DSCAM: variants seen among roughly 807,000 people sequenced by gnomAD.
The protein encoded by DSCAM is cell adhesion molecule DSCAM.
A neutral mutation model predicts 217.7 loss-of-function variants in DSCAM; 47 were observed. That is an observed-to-expected ratio of 0.22 (90% CI 0.17 to 0.28). The LOEUF (loss-of-function observed/expected upper bound fraction) is 0.28. DSCAM is among the 10% of genes least tolerant of loss of function. The pLI, the probability that DSCAM is intolerant of heterozygous loss-of-function variation, is 1.00. For missense variants in DSCAM, 2,080 were observed against 2,618.3 expected, an observed-to-expected ratio of 0.79 and a Z score of 4.49; for synonymous variants, 1,056 against 1,015.3, an observed-to-expected ratio of 1.04 and a Z score of -0.76.
intron 3 of DSCAM, among the ~76,000 whole-genome samples, chr21:40,676,734 C>G (rs2090344449): frequency 6.6e-6 from 1 of 152,116 alleles, no homozygotes; most frequent in African/African-American, 2.4e-5. Context: ...TTAAAAATTA[C>G]CTGCAAGGCT....
At chr21:40,508,989 G>A (rs537511764) in intron 3 of DSCAM, among the ~76,000 whole-genome samples, 2 of 151,064 alleles carry the variant, frequency 1.3e-5, no homozygotes, top group South Asian at 4.2e-4. Context: ...ACATTTCTAA[G>A]GTAAAATTTT....
At chr21:40,120,764 C>G (rs563657062) in intron 20 of DSCAM, among the ~76,000 whole-genome samples, 2 of 152,276 alleles carry the variant, frequency 1.3e-5, no homozygotes, top group East Asian at 3.9e-4. Flanking sequence ...GATTCATTCT[C>G]AGTTACCCTA....
chr21:40,390,312 C>A (rs2075122520), intron 3 of DSCAM, among the ~76,000 whole-genome samples: 1 of 152,268 alleles, frequency 6.6e-6, no homozygotes, highest in East Asian at 1.9e-4. Flanking sequence ...TAGACAGCAA[C>A]CATTTTAGAT....
intron 11 of DSCAM, among the ~76,000 whole-genome samples, chr21:40,201,212 C>G (rs550815683): frequency 6.6e-6 from 1 of 152,044 alleles, no homozygotes; most frequent in Non-Finnish European, 1.5e-5. Context: ...AGGGGAAAGA[C>G]GAAGAACATT....
intron 8 of DSCAM, 106 bp from the exon 9 acceptor site, chr21:40,312,465 C>T (rs1174176847): frequency 2.0e-5 from 26 of 1,295,460 alleles, no homozygotes; most frequent in Non-Finnish European, 2.6e-5. Flanking sequence ...ATCATAGATA[C>T]AGCATAGAAA....
rs918584574 is a variant in DSCAM, at chr21:40,353,485, A to G, written c.914T>C (p.Ile305Thr). Residue 305 changes from isoleucine to threonine, a missense_variant, in exon 5 of 33, where the codon ATA becomes ACA. Around this residue, in one of 5 missense-constraint regions of DSCAM, gnomAD observed 568 missense variants for 678.1 expected, o/e 0.84. Coordinates refer to ENST00000400454, the MANE Select transcript of DSCAM (RefSeq NM_001389.5). ...CTTACGTTTCACGTACAGGCGGCCT[A>G]TCACCTTAGCAGTTCCGTATCTGTT... ...VSNRYGTAKV[I>T]GRLYVKQPLK... is the part of the protein sequence containing the mutation. 1 of 1,607,834 alleles carries G rather than the reference A, an allele frequency of 6.2e-7. No individual in the cohort carries two copies.
intron 13 of DSCAM, 38 bp downstream of exon 13, chr21:40,187,853 A>T: frequency 6.4e-7 from 1 of 1,555,140 alleles, no homozygotes; most frequent in Non-Finnish European, 8.9e-7. Flanking sequence ...CCATCCTGAA[A>T]TGACTGTGTT....
chr21:40,559,886 G>A (rs893132604), intron 3 of DSCAM, among the ~76,000 whole-genome samples: 4 of 147,984 alleles, frequency 2.7e-5, no homozygotes, highest in Non-Finnish European at 5.9e-5. Flanking sequence ...TCCGCCTCCC[G>A]AGTTCACGCC....
At chr21:40,561,035 TAAC>T (rs1371874853) in intron 3 of DSCAM, among the ~76,000 whole-genome samples, 4 of 152,202 alleles carry the variant, frequency 2.6e-5, no homozygotes, top group African/African-American at 9.7e-5. Context: ...TGTCGTATGT[TAAC>T]AAACATTGAC....
chr21:40,501,359 G>C (rs982579566), intron 3 of DSCAM, among the ~76,000 whole-genome samples: 1 of 152,038 alleles, frequency 6.6e-6, no homozygotes, highest in South Asian at 2.1e-4. Context: ...GAAATGATGC[G>C]TTTCTACCCA....
intron 3 of DSCAM, among the ~76,000 whole-genome samples, chr21:40,667,340 C>T (rs1341168170): frequency 1.3e-5 from 2 of 152,102 alleles, no homozygotes; most frequent in East Asian, 1.9e-4. Context: ...AATGCAGTCC[C>T]GAGCAGGAGA....
At chr21:40,066,066 C>T (rs2089202000) in intron 27 of DSCAM, among the ~76,000 whole-genome samples, 1 of 152,238 alleles carries the variant, frequency 6.6e-6, no homozygotes, top group Admixed American at 6.5e-5. Context: ...GCAACTTGCT[C>T]CGTGTACCCT....
At chr21:40,333,467 C>G (rs1443906015) in intron 8 of DSCAM, among the ~76,000 whole-genome samples, 6 of 152,166 alleles carry the variant, frequency 3.9e-5, no homozygotes, top group Non-Finnish European at 8.8e-5. Context: ...TGGGTTCAAG[C>G]CATCCTCCCT....
In DSCAM at chr21:40,387,652, C is replaced by G. The variant is rs543397238; in HGVS notation, c.509-18407G>C. Reference sequence around the variant, plus strand: ...CCTTCCAATCTTGAGCTTCCAGTACCAAACCTCTAACACATTAGAGAACAA... The same window carrying G: ...CCTTCCAATCTTGAGCTTCCAGTACGAAACCTCTAACACATTAGAGAACAA... On this transcript the variant is annotated intron_variant, in intron 3 of 32. Transcript: ENST00000400454. Among the ~76,000 whole-genome samples, 143 of 152,184 alleles carry G rather than the reference C, an allele frequency of 9.4e-4. 1 individual carries two copies. Among genetic ancestry groups the G allele is most frequent in the Middle Eastern group, 3.4e-3 (1 of 294 alleles).
chr21:40,637,142 T>C (rs13052492), intron 3 of DSCAM, among the ~76,000 whole-genome samples: 5 of 67,826 alleles, frequency 7.4e-5, no homozygotes, highest in Admixed American at 3.1e-4. Flanking sequence ...TATATAAATA[T>C]ATATATAAAT....
intron 16 of DSCAM, 101 bp downstream of exon 16, chr21:40,167,117 T>A: frequency 1.9e-6 from 2 of 1,045,576 alleles, no homozygotes; most frequent in South Asian, 1.7e-5. Flanking sequence ...AAAATAAAAG[T>A]TTTGTAAAAT....
chr21:40,819,787 A>G (rs1257411158), intron 1 of DSCAM, among the ~76,000 whole-genome samples: 1 of 152,162 alleles, frequency 6.6e-6, no homozygotes, highest in Admixed American at 6.5e-5. Flanking sequence ...TTCCACTCAT[A>G]TTGTGCCTCA....
chr21:40,299,927 G>T (rs978605610), intron 9 of DSCAM, among the ~76,000 whole-genome samples: 1 of 152,148 alleles, frequency 6.6e-6, no homozygotes, highest in African/African-American at 2.4e-5. Context: ...GCCCCCACAA[G>T]GAGTCACTTA....
intron 2 of DSCAM, among the ~76,000 whole-genome samples, chr21:40,705,223 T>C (rs1043993945): frequency 3.3e-5 from 5 of 152,216 alleles, no homozygotes; most frequent in African/African-American, 1.2e-4. Flanking sequence ...GTTGCTTCCA[T>C]GTTTTGGCAA....
Sources: allele counts gnomAD v4.1 joint callset (sites outside exome capture counted in the v4.1 genomes callset), GRCh38; gene constraint gnomAD v4.1.1; regional missense constraint gnomAD v4.1.1; transcripts MANE v1.5; gene names NCBI Gene and HGNC (gene_info 2026-07-23, HGNC 2026-07-21).